The following STK17B variants were observed in gnomAD, a reference collection of about 807,000 sequenced individuals.
STK17B encodes the protein serine/threonine kinase 17b.
A neutral mutation model predicts 42.0 loss-of-function variants in STK17B; 21 were observed. The ratio of observed to expected loss-of-function variants is 0.50; its 90% CI spans 0.35 to 0.72. The LOEUF is 0.72. STK17B is among the 30% of genes least tolerant of loss of function. The pLI is 0.00. For synonymous variants in STK17B, 143 were observed against 148.4 expected (o/e 0.96, Z 0.26); for missense variants, 349 against 446.0 (o/e 0.78, Z 1.96).
At chr2:196,160,520 A>G (rs1214853916) in intron 2 of STK17B, among the ~76,000 whole-genome samples, 2 of 152,254 alleles carry the variant, frequency 1.3e-5, no homozygotes, top group Non-Finnish European at 2.9e-5. Flanking sequence ...ATTCAGAAAG[A>G]TAACTTTCAA....
At chr2:196,175,515 A>G (rs757674267), upstream of STK17B, among the ~76,000 whole-genome samples, 7 of 152,204 alleles carry the variant, frequency 4.6e-5, no homozygotes, top group Non-Finnish European at 1.0e-4. Flanking sequence ...GATCCCAGCA[A>G]CTCAGTAGGT....
intron 1 of STK17B, 117 bp from the exon 2 acceptor site, chr2:196,163,544 G>A (rs1224159760): frequency 5.2e-6 from 4 of 774,370 alleles, no homozygotes; most frequent in Non-Finnish European, 7.2e-6. Context: ...GATTTAAAGA[G>A]CACATTCTAT....
At chr2:196,168,955 AT>A in intron 1 of STK17B, among the ~76,000 whole-genome samples, 1 of 152,330 alleles carries the variant, frequency 6.6e-6, no homozygotes, top group South Asian at 2.1e-4. Context: ...AAGGTAGTAG[AT>A]AAATGACTGC....
intron 1 of STK17B, among the ~76,000 whole-genome samples, chr2:196,169,119 C>T (rs988478433): frequency 4.9e-5 from 7 of 143,014 alleles, no homozygotes; most frequent in African/African-American, 1.8e-4. Flanking sequence ...CTCTGTTGCC[C>T]AGGCTGGAGT....
chr2:196,143,009 C>T (rs192251183), intron 5 of STK17B, among the ~76,000 whole-genome samples: 19 of 152,312 alleles, frequency 1.2e-4, no homozygotes, highest in African/African-American at 4.6e-4. Context: ...ATCAAAGGTT[C>T]TTTTTGGCAC....
chr2:196,141,340 TA>T, intron 5 of STK17B, 43 bp from the exon 6 acceptor site: 2 of 1,490,298 alleles, frequency 1.3e-6, no homozygotes, highest in Middle Eastern at 4.6e-4. Flanking sequence ...TGACAAATTT[TA>T]AAACAAGAAA....
At chr2:196,167,296 T>A (rs968262693) in intron 1 of STK17B, among the ~76,000 whole-genome samples, 2 of 152,210 alleles carry the variant, frequency 1.3e-5, no homozygotes, top group African/African-American at 2.4e-5. Context: ...AAGGGCAGCA[T>A]CCTTTTACTT....
chr2:196,152,248 A>C (rs1204581680), intron 3 of STK17B, among the ~76,000 whole-genome samples: 1 of 152,140 alleles, frequency 6.6e-6, no homozygotes, highest in Admixed American at 6.5e-5. Context: ...CTGGGACTAC[A>C]GGCATGCGCC....
In STK17B at chr2:196,137,601, T is replaced by C. The variant is rs1559407263; in HGVS notation, c.965A>G (p.Glu322Gly). The C allele has an allele frequency of 2.5e-6, 4 of 1,614,118 alleles. No individual in the cohort carries two copies. The highest frequency in any genetic ancestry group is 2.5e-6 in the Non-Finnish European group (3 of 1,179,994). ...ACAGGAGGATTTAGAAGTCTTGTCTTCAGAGGACCTTACAGAATGATCCTG... is the reference window on the plus strand; with the variant it reads ...ACAGGAGGATTTAGAAGTCTTGTCTCCAGAGGACCTTACAGAATGATCCTG... ...QTQDHSVRSSEDKTSKSSCNG... is the reference protein window; with the variant it reads ...QTQDHSVRSSGDKTSKSSCNG... Residue 322 changes from glutamate to glycine, a missense_variant, in exon 8 of 8, where the codon GAA becomes GGA. Physicochemically the swap from Glu to Gly is moderately conservative, Grantham distance 98. Around this residue, in one of 3 missense-constraint regions of STK17B, gnomAD observed 87 missense variants for 78.8 expected, o/e 1.10. Coordinates refer to ENST00000263955, the MANE Select transcript of STK17B (RefSeq NM_004226.4).
At chr2:196,157,037 T>A (rs1308526555) in intron 2 of STK17B, among the ~76,000 whole-genome samples, 1 of 151,916 alleles carries the variant, frequency 6.6e-6, no homozygotes, top group Non-Finnish European at 1.5e-5. Context: ...TTGTGGCGCA[T>A]GCCTGTAATC....
intron 5 of STK17B, among the ~76,000 whole-genome samples, chr2:196,143,287 T>G (rs1252449916): frequency 6.6e-6 from 1 of 152,230 alleles, no homozygotes; most frequent in Non-Finnish European, 1.5e-5. Context: ...CTTACCCATT[T>G]CTTTTTTCCT....
intron 3 of STK17B, among the ~76,000 whole-genome samples, chr2:196,149,163 A>ATT (rs58482045): frequency 2.9e-4 from 42 of 143,652 alleles, no homozygotes; most frequent in Admixed American, 4.2e-4. Context: ...GATAACAGCT[A>ATT]TTTTTTTTTT....
intron 1 of STK17B, among the ~76,000 whole-genome samples, chr2:196,168,667 A>G (rs955275057): frequency 5.3e-5 from 8 of 152,202 alleles, no homozygotes; most frequent in African/African-American, 1.7e-4. Context: ...TATGTTTTAA[A>G]TGGCACTGAA....
intron 1 of STK17B, among the ~76,000 whole-genome samples, chr2:196,169,741 G>C (rs983523216): frequency 3.3e-5 from 5 of 152,100 alleles, no homozygotes; most frequent in African/African-American, 4.8e-5. Flanking sequence ...TAACCAAATC[G>C]TAATTCACTA....
At chr2:196,139,558 A>G in intron 7 of STK17B, 62 bp downstream of exon 7, 5 of 1,053,594 alleles carry the variant, frequency 4.7e-6, no homozygotes, top group Non-Finnish European at 6.3e-6. Context: ...TATATTATTT[A>G]TTCTGTAATA....
In STK17B at chr2:196,143,662, T is replaced by C. The variant is rs749048042; in HGVS notation, c.505A>G (p.Ile169Val). 3.2e-5 allele frequency: 50 copies of C among 1,582,128 alleles called. No individual in the cohort carries two copies. The highest frequency in any genetic ancestry group is 4.3e-5 in the Non-Finnish European group (50 of 1,166,914). The change falls in exon 5 of 8, where the codon ATA becomes GTA. Residue 169 changes from isoleucine to valine, a missense_variant. By Grantham distance (29) the Ile-to-Val change is conservative. Coordinates refer to ENST00000263955, the MANE Select transcript of STK17B (RefSeq NM_004226.4). ...LKPQNILLSSIYPLGDIKIVD... is the reference protein window; with the variant it reads ...LKPQNILLSSVYPLGDIKIVD... ...ATTTTAATGTCCCCGAGAGGGTATA[T>C]GCTGCTCAGTAATATATTCTGTGGC...
intron 3 of STK17B, among the ~76,000 whole-genome samples, chr2:196,147,795 C>A (rs1371611032): frequency 6.6e-6 from 1 of 151,266 alleles, no homozygotes; most frequent in Non-Finnish European, 1.5e-5. Flanking sequence ...GCAGTGGCGC[C>A]ATCTCGGCTC....
At chr2:196,141,074 AGT>A (rs750575931) in intron 6 of STK17B, among the ~76,000 whole-genome samples, 173 bp downstream of exon 6, 6 of 152,374 alleles carry the variant, frequency 3.9e-5, no homozygotes, top group Non-Finnish European at 8.8e-5. Context: ...TCAGAAGTTA[AGT>A]GTTATTTAAA....
chr2:196,156,611 T>C lies in STK17B; in HGVS notation c.163A>G (p.Thr55Ala), dbSNP rs200641057. ...AVVRQCISKS[T>A]GQEYAAKFLK... is the part of the protein sequence containing the mutation. ...AATTTTGCAGCATATTCTTGGCCAGTAGATTTTGATATACATTGTCTAACC... is the reference window on the plus strand; with the variant it reads ...AATTTTGCAGCATATTCTTGGCCAGCAGATTTTGATATACATTGTCTAACC... Residue 55 changes from threonine to alanine, a missense_variant, in exon 3 of 8, where the codon ACT becomes GCT. By Grantham distance (58) the Thr-to-Ala change is moderately conservative. Around this residue, in one of 3 missense-constraint regions of STK17B, gnomAD observed 256 missense variants for 347.7 expected, o/e 0.74. Coordinates refer to ENST00000263955, the MANE Select transcript of STK17B (RefSeq NM_004226.4). The C allele has an allele frequency of 7.4e-6, 12 of 1,613,878 alleles. No homozygotes were observed. The highest frequency in any genetic ancestry group is 5.9e-6 in the Non-Finnish European group (7 of 1,179,950).
Sources: gnomAD v4.1 joint callset for allele counts (sites outside exome capture counted in the v4.1 genomes callset) on GRCh38, gnomAD v4.1.1 for gene constraint, gnomAD v4.1.1 regional missense constraint, MANE v1.5 for transcripts, NCBI Gene and HGNC (gene_info 2026-07-23, HGNC 2026-07-21) for gene names.